TRIM66: variants seen among roughly 807,000 people sequenced by gnomAD.
The protein encoded by TRIM66 is tripartite motif containing 66.
In TRIM66, 99 loss-of-function variants were observed where a neutral mutation model predicts 148.2. That is an observed-to-expected ratio of 0.67 (90% CI 0.57 to 0.79). The LOEUF is 0.79. TRIM66 is among the 30% of genes least tolerant of loss of function. TRIM66 has a pLI of 0.00. For missense variants in TRIM66, 1,666 were observed against 1,697.9 expected (o/e 0.98, Z 0.33); for synonymous variants, 616 against 635.9 (o/e 0.97, Z 0.47).
At chr11:8,648,181 A>T in intron 9 of TRIM66, 95 bp from the exon 10 acceptor site, 1 of 1,237,626 alleles carries the variant, frequency 8.1e-7, no homozygotes, top group African/African-American at 1.5e-5. Context: ...TGTCTCAGCC[A>T]GACCCATGGA....
chr11:8,628,328 C>T (rs1045056165), intron 15 of TRIM66, among the ~76,000 whole-genome samples: 1 of 151,648 alleles, frequency 6.6e-6, no homozygotes, highest in Non-Finnish European at 1.5e-5. Flanking sequence ...AGATCCAGAT[C>T]TTGGTTGGGC....
At position 8,641,027 on chromosome 11, in the gene TRIM66, G is replaced by A; in HGVS notation, c.1348C>T (p.His450Tyr). 6.4e-7 allele frequency: 1 copy of A among 1,551,628 alleles called. No individual in the cohort carries two copies. Among genetic ancestry groups the A allele is most frequent in the African/African-American group, 1.4e-5 (1 of 73,158 alleles). The change falls in exon 14 of 25, where the codon CAC becomes TAC. Residue 450 changes from histidine (H) to tyrosine (Y), a missense_variant. Transcript: ENST00000646038. ...GGAGACTGGAACTTGTGTGAGGGGT[G>A]GCTAAGAGCCTCTTGCTGAGCCACT... ...SPVAQQEALS[H>Y]PSHKFQSPAV...
At chr11:8,678,078 G>A (rs562706613) in intron 3 of TRIM66, 15 of 152,236 alleles carry the variant, frequency 9.9e-5, no homozygotes, top group South Asian at 4.1e-4. Flanking sequence ...AAATTGGTAC[G>A]ATCCTTTTGG....
chr11:8,660,257 T>TA (rs2038154624), intron 6 of TRIM66, among the ~76,000 whole-genome samples: 1 of 152,148 alleles, frequency 6.6e-6, no homozygotes, highest in Non-Finnish European at 1.5e-5. Context: ...AAGCATCCCA[T>TA]ACTCCAGCCA....
At chr11:8,678,458 A>G (rs958201579) in intron 3 of TRIM66, among the ~76,000 whole-genome samples, 2 of 152,228 alleles carry the variant, frequency 1.3e-5, no homozygotes, top group Admixed American at 1.3e-4. Context: ...GTCTCCATGT[A>G]TACAAGGGTT....
Position 8,679,773 on chromosome 11 carries a change from C to T in TRIM66, c.-343G>A, listed in dbSNP as rs2039331357. 1 of 152,620 alleles carries T rather than the reference C, an allele frequency of 6.6e-6. No homozygotes were observed. Among genetic ancestry groups the T allele is most frequent in the African/African-American group, 2.4e-5 (1 of 41,446 alleles). 9.5% of individuals were successfully genotyped at this position (152,620 alleles called of 1,614,324 possible). ...GACCCCTCTTCCTGCTGGTCACATG[C>T]AGTATGTGATTAAGGTTGATGGAGG... On this transcript the variant is annotated 5_prime_UTR_variant, in exon 3 of 25. Transcript: ENST00000646038.
chr11:8,619,771 G>A (rs926860093), intron 22 of TRIM66, among the ~76,000 whole-genome samples: 4 of 152,236 alleles, frequency 2.6e-5, no homozygotes, highest in African/African-American at 9.6e-5. Flanking sequence ...TGTGGTGGGG[G>A]AGGCTGGAAT....
intron 17 of TRIM66, among the ~76,000 whole-genome samples, chr11:8,623,196 A>G (rs964028905): frequency 1.3e-5 from 2 of 152,214 alleles, no homozygotes; most frequent in Non-Finnish European, 2.9e-5. Flanking sequence ...TGTTCTCAGT[A>G]CACCAGTGTT....
intron 1 of TRIM66, chr11:8,681,000 C>T (rs954246987): frequency 6.6e-6 from 1 of 152,164 alleles, no homozygotes; most frequent in African/African-American, 2.4e-5. Context: ...TTAGTAAGAG[C>T]AATTTCACTG....
In TRIM66 at chr11:8,617,922, G is replaced by C. The variant is rs1292900765; in HGVS notation, c.*22C>G. ...ACAGTATGGGACAACAGCTGCCAGA[G>C]TGCCCAGTCTCCTTTTGGCTCTCAC... On this transcript the variant is annotated 3_prime_UTR_variant, in exon 25 of 25. Coordinates refer to ENST00000646038, the MANE Select transcript of TRIM66 (RefSeq NM_001388022.1). 3 of 1,551,312 alleles carry C rather than the reference G, an allele frequency of 1.9e-6. No individual in the cohort carries two copies. The highest frequency in any genetic ancestry group is 2.6e-6 in the Non-Finnish European group (3 of 1,146,612).
intron 10 of TRIM66, among the ~76,000 whole-genome samples, chr11:8,646,943 C>T (rs542409596): frequency 3.0e-4 from 1 of 3,282 alleles, no homozygotes; most frequent in East Asian, 3.2e-3. Context: ...ATGCATACTG[C>T]CTCAGTAGTT....
intron 3 of TRIM66, among the ~76,000 whole-genome samples, chr11:8,677,615 A>T (rs1430435672): frequency 6.6e-6 from 1 of 151,392 alleles, no homozygotes. Flanking sequence ...TTATCTTTAA[A>T]AACAACAACA....
At position 8,618,960 on chromosome 11, in the gene TRIM66, G is replaced by A. The variant is rs758441649; in HGVS notation, c.3909C>T (p.Ser1303=). ...GGCAGCGGCCAGCCTCTGCAACCTC[G>A]GAGTCAGGCTGATGGGGGAGGAGAG... The part of the protein sequence containing the change: ...WNCAKFNYPD[S]EVAEAGRCLE... The change falls in exon 24 of 25, where the codon TCC becomes TCT. Residue 1303 remains serine (S), a synonymous_variant. Transcript: ENST00000646038. 60 of 1,551,258 alleles carry A rather than the reference G, an allele frequency of 3.9e-5. No homozygotes were observed. The highest frequency in any genetic ancestry group is 4.9e-5 in the East Asian group (2 of 40,930).
rs552651206 is a variant in TRIM66 at position 8,640,156 on chromosome 11, T to G, written c.2148+71A>C. ...CTGTATTCCTGTGCTGCCTTGTTTT[T>G]GGGGAGGCTGTGTTCCCTGAGTGAT... On this transcript the variant is annotated intron_variant, in intron 14 of 24. Transcript: ENST00000646038. 3.8e-3 allele frequency: 5,435 copies of G among 1,426,268 alleles called. 22 individuals are homozygous for G. Among genetic ancestry groups the G allele is most frequent in the South Asian group, 4.1e-3 (300 of 74,062 alleles). The allele number at this position is 1,426,268 out of a possible 1,614,324, so 88.4% of individuals were successfully genotyped here.
At position 8,640,940 on chromosome 11, in the gene TRIM66, C is replaced by T. The variant is rs1459572569; in HGVS notation, c.1435G>A (p.Gly479Ser). The T allele has an allele frequency of 2.6e-6, 4 of 1,550,998 alleles. No homozygotes were observed. In the South Asian group the frequency reaches 3.6e-5, roughly 14 times the overall value. The change falls in exon 14 of 25, where the codon GGC becomes AGC. Residue 479 changes from glycine (G) to serine (S), a missense_variant. Gly to Ser is a moderately conservative substitution (Grantham distance 56). Around this residue, in one of 3 missense-constraint regions of TRIM66, gnomAD observed 1,431 missense variants for 1,412.4 expected, o/e 1.01. Transcript: ENST00000646038. ...TGTATGCTGGGTGGGGGGACCTGGC[C>T]TTTGAGGGAAGGCGAGACTGGGGAG... ...HCSPVSPSLK[G>S]QVPPPSIHPA...
intron 6 of TRIM66, among the ~76,000 whole-genome samples, chr11:8,662,490 G>C (rs147319775): frequency 6.6e-6 from 1 of 152,126 alleles, no homozygotes; most frequent in African/African-American, 2.4e-5. Context: ...CTCTTCACTA[G>C]CTTCAAGAAG....
At chr11:8,646,006 G>A in intron 11 of TRIM66, 119 bp from the exon 12 acceptor site, 1 of 962,736 alleles carries the variant, frequency 1.0e-6, no homozygotes, top group Non-Finnish European at 1.5e-6. Context: ...ACACCCCTGA[G>A]AGGACAGCAG....
intron 4 of TRIM66, among the ~76,000 whole-genome samples, chr11:8,672,856 C>T (rs989596113): frequency 1.3e-5 from 2 of 151,806 alleles, no homozygotes; most frequent in Non-Finnish European, 2.9e-5. Flanking sequence ...GTCTCAAACT[C>T]CTGGGCTCAA....
At chr11:8,667,180 A>T (rs2038655109) in intron 6 of TRIM66, among the ~76,000 whole-genome samples, 1 of 152,246 alleles carries the variant, frequency 6.6e-6, no homozygotes, top group Admixed American at 6.5e-5. Flanking sequence ...CACATGCATA[A>T]TTCATTCACA....
Sources: allele counts gnomAD v4.1 joint callset (sites outside exome capture counted in the v4.1 genomes callset), GRCh38; gene constraint gnomAD v4.1.1; regional missense constraint gnomAD v4.1.1; transcripts MANE v1.5; gene names NCBI Gene and HGNC (gene_info 2026-07-23, HGNC 2026-07-21).